Variants in SVOP observed in about 807,000 individuals in gnomAD.
The protein encoded by SVOP is synaptic vesicle 2-related protein.
Under a neutral mutation model 69.1 loss-of-function variants are expected in SVOP, and 17 were observed. The ratio of observed to expected loss-of-function variants is 0.25; its 90% confidence interval spans 0.17 to 0.37. The LOEUF is 0.37. Among genes scored for constraint, SVOP ranks in the 10% least tolerant of loss-of-function variants. The pLI, the probability that SVOP is intolerant of heterozygous loss-of-function variation, is 1.00. For missense variants in SVOP, 435 were observed against 597.5 expected (o/e 0.73, Z 2.84); for synonymous variants, 238 against 238.6 (o/e 1.00, Z 0.02).
Position 108,936,806 on chromosome 12 carries a change from C to T in SVOP, c.971+458G>A, listed in dbSNP as rs1026110640. 6.1e-5 allele frequency among the ~76,000 whole-genome samples: 8 copies of T among 132,162 alleles called. No individual in the cohort carries two copies. In the East Asian group the frequency reaches 1.6e-3, roughly 26 times the overall value. The allele number at this position is 132,162 out of a possible 152,430, so 86.7% of individuals were successfully genotyped here. Reference sequence around the variant, plus strand: ...TTCTTATCTCTTAAATACAGAGGCTCACTGCCTCTGCAAACCTCCGTCTAG... The same window carrying T: ...TTCTTATCTCTTAAATACAGAGGCTTACTGCCTCTGCAAACCTCCGTCTAG... On this transcript the variant is annotated intron_variant, in intron 10 of 15. Transcript: ENST00000610966.
intron 1 of SVOP, among the ~76,000 whole-genome samples, chr12:109,020,248 C>T (rs1366322469): frequency 8.5e-5 from 13 of 152,190 alleles, no homozygotes; most frequent in Admixed American, 8.5e-4. Context: ...CTAGCTGCTA[C>T]AAAAACCTTT....
chr12:108,910,713 A>G lies in SVOP; in HGVS notation c.*1822T>C, dbSNP rs2039676542. 1 of 152,236 alleles carries G rather than the reference A, an allele frequency of 6.6e-6. No homozygotes were observed. The highest frequency in any genetic ancestry group is 2.1e-4 in the South Asian group (1 of 4,834). 9.4% of individuals were successfully genotyped at this position (152,236 alleles called of 1,614,324 possible). A position where few individuals can be genotyped will look rare whatever the true frequency, so the allele number is the denominator to read the frequency against. On this transcript the variant is annotated 3_prime_UTR_variant, in exon 16 of 16. Coordinates refer to ENST00000610966, the MANE Select transcript of SVOP (RefSeq NM_018711.5). Reference sequence around the variant, plus strand: ...ACCATTAGAAGAAAGTGTTGTCTCCAACAAGCTCAGCCACAATGTTGGCTG... The same window carrying G: ...ACCATTAGAAGAAAGTGTTGTCTCCGACAAGCTCAGCCACAATGTTGGCTG...
intron 6 of SVOP, among the ~76,000 whole-genome samples, chr12:108,950,245 CTTTTT>C (rs36197540): frequency 1.4e-5 from 2 of 140,846 alleles, no homozygotes; most frequent in African/African-American, 5.2e-5. Context: ...CTTTTTCTTT[CTTTTT>C]TTTTTTTTTG....
chr12:108,908,471 A>T lies in SVOP; in HGVS notation c.*4064T>A, dbSNP rs1447713908. The T allele has an allele frequency of 6.6e-6, 1 of 152,174 alleles. No homozygotes were observed. The highest frequency in any genetic ancestry group is 6.5e-5 in the Admixed American group (1 of 15,280). 9.4% of individuals were successfully genotyped at this position (152,174 alleles called of 1,614,324 possible). A position where few individuals can be genotyped will look rare whatever the true frequency, so the allele number is the denominator to read the frequency against. On this transcript the variant is annotated 3_prime_UTR_variant, in exon 16 of 16. Coordinates refer to ENST00000610966, the MANE Select transcript of SVOP (RefSeq NM_018711.5). ...AAAAACCTAGACTCCTCTTTTGAAC[A>T]TTGTAAGATCTGGTCACACTGGACC...
intron 1 of SVOP, among the ~76,000 whole-genome samples, chr12:109,013,712 T>C (rs917635840): frequency 2.6e-5 from 4 of 152,088 alleles, no homozygotes; most frequent in Non-Finnish European, 4.4e-5. Flanking sequence ...TTTTTAAGTA[T>C]ACAGTTCTCT....
rs144380662 is a variant in SVOP at position 108,936,023 on chromosome 12, TACAC to T, written c.971+1237_971+1240del. Among the ~76,000 whole-genome samples the T allele has an allele frequency of 3.8e-3, 552 of 144,656 alleles. 10 individuals are homozygous for T. Among genetic ancestry groups the T allele is most frequent in the African/African-American group, 0.011 (443 of 38,742 alleles). 94.9% of individuals were successfully genotyped at this position (144,656 alleles called of 152,430 possible). A position where few individuals can be genotyped will look rare whatever the true frequency, so the allele number is the denominator to read the frequency against. On this transcript the variant is annotated intron_variant, in intron 10 of 15. Transcript: ENST00000610966. ...AGGGAAGACACTGACATAGTATAAA[TACAC>T]ACACACACACACACACACACACACA...
chr12:108,996,008 A>G (rs1381811657), intron 1 of SVOP, among the ~76,000 whole-genome samples: 1 of 152,056 alleles, frequency 6.6e-6, no homozygotes, highest in Non-Finnish European at 1.5e-5. Flanking sequence ...ACATACATAC[A>G]TACACACACA....
intron 6 of SVOP, among the ~76,000 whole-genome samples, chr12:108,960,597 C>T (rs1052754127): frequency 1.3e-5 from 2 of 152,136 alleles, no homozygotes; most frequent in East Asian, 3.8e-4. Flanking sequence ...AACTGTAAAA[C>T]GCAGATTGCA....
chr12:109,012,012 G>A (rs1206281502), intron 1 of SVOP, among the ~76,000 whole-genome samples: 1 of 152,222 alleles, frequency 6.6e-6, no homozygotes, highest in Non-Finnish European at 1.5e-5. Flanking sequence ...GCTGGGCGCA[G>A]TGGCTCATGC....
intron 10 of SVOP, 34 bp downstream of exon 10, chr12:108,937,230 A>G (rs748516941): frequency 6.2e-7 from 1 of 1,610,944 alleles, no homozygotes; most frequent in Non-Finnish European, 8.5e-7. Context: ...CAGGGAGTGG[A>G]AAGGGGTCAA....
At chr12:108,990,799 A>T (rs1481246737) in intron 1 of SVOP, among the ~76,000 whole-genome samples, 2 of 152,228 alleles carry the variant, frequency 1.3e-5, no homozygotes, top group Admixed American at 6.5e-5. Flanking sequence ...GGGTTCTTGA[A>T]CTGGATGCAG....
At chr12:108,968,132 A>C (rs1292624366) in intron 5 of SVOP, among the ~76,000 whole-genome samples, 1 of 152,192 alleles carries the variant, frequency 6.6e-6, no homozygotes, top group African/African-American at 2.4e-5. Flanking sequence ...TTGCTGCTCT[A>C]GAGAGGATAA....
chr12:108,977,726 T>TTGTG (rs2040114807), intron 3 of SVOP, among the ~76,000 whole-genome samples: 1 of 152,220 alleles, frequency 6.6e-6, no homozygotes, highest in Non-Finnish European at 1.5e-5. Flanking sequence ...TGTGGTTTTT[T>TTGTG]TGTGTGTGTT....
intron 1 of SVOP, among the ~76,000 whole-genome samples, chr12:108,995,961 T>TAC (rs1292678703): frequency 2.0e-5 from 3 of 150,926 alleles, no homozygotes; most frequent in East Asian, 3.9e-4. Context: ...ACAATAAACA[T>TAC]ACACACACAC....
rs1478358678 is a variant in SVOP, at chr12:108,978,576, G to C, written c.282+2C>G. ...GAGCCACTGCCCCCCAGAAATACTT[G>C]CCCAAGCCAAGCCAGTGAGAACAGA... On this transcript the variant is annotated splice_donor_variant, in intron 3 of 15. Coordinates refer to ENST00000610966, the MANE Select transcript of SVOP (RefSeq NM_018711.5). LOFTEE classifies it high-confidence loss of function. The C allele has an allele frequency of 5.7e-6, 4 of 703,344 alleles. No homozygotes were observed. Among genetic ancestry groups the C allele is most frequent in the Non-Finnish European group, 1.0e-5 (4 of 384,748 alleles). 43.6% of individuals were successfully genotyped at this position (703,344 alleles called of 1,614,324 possible).
intron 15 of SVOP, among the ~76,000 whole-genome samples, chr12:108,914,025 G>A (rs1337940820): frequency 3.3e-5 from 5 of 152,236 alleles, no homozygotes; most frequent in East Asian, 3.8e-4. Context: ...ACCTGGCACC[G>A]TGGAGGCACA....
intron 5 of SVOP, among the ~76,000 whole-genome samples, chr12:108,969,716 T>TTTCCTTCCTTCCTTCC (rs1555251574): frequency 4.8e-5 from 7 of 146,986 alleles, no homozygotes; most frequent in Admixed American, 3.5e-4. Flanking sequence ...CTCCTTTTTT[T>TTTCCTTCCTTCCTTCC]TCCTTCCTTC....
chr12:109,012,579 T>C (rs1248850617), intron 1 of SVOP, among the ~76,000 whole-genome samples: 6 of 152,298 alleles, frequency 3.9e-5, no homozygotes, highest in East Asian at 3.9e-4. Flanking sequence ...AAAAATTTCA[T>C]GTAATCAGTA....
intron 11 of SVOP, among the ~76,000 whole-genome samples, 188 bp from the exon 12 acceptor site, chr12:108,922,985 T>C (rs1442055411): frequency 6.6e-6 from 1 of 152,228 alleles, no homozygotes; most frequent in Non-Finnish European, 1.5e-5. Context: ...TCTCTAAGTG[T>C]GAGTTTCCTC....
Sources: allele counts gnomAD v4.1 joint callset (sites outside exome capture counted in the v4.1 genomes callset), GRCh38; gene constraint gnomAD v4.1.1; transcripts MANE v1.5; gene names NCBI Gene and HGNC (gene_info 2026-07-23, HGNC 2026-07-21).